MNT: variants seen among roughly 807,000 people sequenced by gnomAD.
MNT encodes max-binding protein MNT.
In MNT, 13 loss-of-function variants were observed where a neutral mutation model predicts 40.7. The observed-to-expected ratio is 0.32, with a 90% confidence interval of 0.21 to 0.51. The LOEUF (loss-of-function observed/expected upper bound fraction) is 0.51. Among genes scored for constraint, MNT ranks in the 20% least tolerant of loss-of-function variants. MNT has a pLI of 0.98. For synonymous variants in MNT, 426 were observed against 354.8 expected (o/e 1.20, Z -2.26); for missense variants, 757 against 792.0 (o/e 0.96, Z 0.53).
intron 4 of MNT, among the ~76,000 whole-genome samples, chr17:2,392,242 G>A (rs1474120503): frequency 6.6e-6 from 1 of 152,168 alleles, no homozygotes; most frequent in African/African-American, 2.4e-5. Context: ...GCACCTCAAT[G>A]AATAAATGAA....
intron 2 of MNT, 129 bp from the exon 3 acceptor site, chr17:2,394,475 A>G: frequency 2.2e-6 from 3 of 1,392,508 alleles, no homozygotes; most frequent in South Asian, 2.5e-5. Flanking sequence ...AGACTGGGAG[A>G]CGTTCGCCCT....
chr17:2,400,189 TAC>T (rs1441634392), intron 1 of MNT: 1 of 165,898 alleles, frequency 6.0e-6, no homozygotes, highest in Non-Finnish European at 1.3e-5. Context: ...TCGTGTGCTA[TAC>T]ACACGCCCGT....
chr17:2,386,529 A>C lies in MNT; in HGVS notation c.*372T>G. The C allele has an allele frequency of 4.7e-6, 1 of 213,996 alleles. No individual in the cohort carries two copies. The highest frequency in any genetic ancestry group is 1.0e-4 in the East Asian group (1 of 9,766). 13.3% of individuals were successfully genotyped at this position (213,996 alleles called of 1,614,324 possible). On this transcript the variant is annotated 3_prime_UTR_variant, in exon 6 of 6. Transcript: ENST00000174618. The stretch of plus-strand genomic sequence containing the variant: ...GCCTGGGCCACCTCACCAGACAGCA[A>C]TAGCAGCAGCAGCACACGAAGGCGG...
chr17:2,396,865 G>C (rs1338000997), intron 1 of MNT: 1 of 152,378 alleles, frequency 6.6e-6, no homozygotes, highest in Admixed American at 6.5e-5. Context: ...CCCGGGCAAG[G>C]GGTGGCGTGG....
chr17:2,384,358 CA>C lies in MNT; in HGVS notation c.*2542del, dbSNP rs1251891409. 1 of 151,868 alleles carries C rather than the reference CA, an allele frequency of 6.6e-6. No homozygotes were observed. Among genetic ancestry groups the C allele is most frequent in the Non-Finnish European group, 1.5e-5 (1 of 67,906 alleles). The allele number at this position is 151,868 out of a possible 1,614,324, so 9.4% of individuals were successfully genotyped here. Reference sequence around the variant, plus strand: ...ACAGTGGCCGAGTCCTCACTGTAAACAAGGGCCACCTCTGGGGGTTGGGGGT... The same window carrying C: ...ACAGTGGCCGAGTCCTCACTGTAAACAGGGCCACCTCTGGGGGTTGGGGGT... On this transcript the variant is annotated 3_prime_UTR_variant, in exon 6 of 6. Transcript: ENST00000174618.
intron 1 of MNT, chr17:2,400,439 A>G (rs2066607079): frequency 4.1e-6 from 2 of 486,044 alleles, no homozygotes; most frequent in South Asian, 5.6e-5. Context: ...GGTCCCTCGC[A>G]GCATGTTAAT....
intron 4 of MNT, among the ~76,000 whole-genome samples, chr17:2,393,440 TCGG>T (rs2066542336): frequency 1.3e-5 from 2 of 152,290 alleles, no homozygotes; most frequent in East Asian, 3.9e-4. Context: ...TGTTTCAGGC[TCGG>T]CGGCCCCGGG....
intron 1 of MNT, among the ~76,000 whole-genome samples, chr17:2,399,637 T>C (rs2066601229): frequency 6.6e-6 from 1 of 151,528 alleles, no homozygotes; most frequent in South Asian, 2.1e-4. Flanking sequence ...GCAAGGCCCC[T>C]TGCCAGCCCC....
At chr17:2,393,981 G>A (rs1244536112) in intron 4 of MNT, 62 bp downstream of exon 4, 4 of 1,228,796 alleles carry the variant, frequency 3.3e-6, no homozygotes, top group Admixed American at 2.6e-5. Flanking sequence ...GGCGCGGCCG[G>A]GGGAGGGGCG....
chr17:2,397,489 T>G (rs1343712609), intron 1 of MNT, among the ~76,000 whole-genome samples: 1 of 152,128 alleles, frequency 6.6e-6, no homozygotes, highest in Non-Finnish European at 1.5e-5. Flanking sequence ...GGGCCCTCCC[T>G]GAGTCACAAG....
At chr17:2,390,708 C>CA (rs543778289) in intron 4 of MNT, 1 of 152,208 alleles carries the variant, frequency 6.6e-6, no homozygotes, top group African/African-American at 2.4e-5. Context: ...CCAGGCCTGG[C>CA]AAAGTCTCCA....
At chr17:2,398,111 G>A (rs766029998) in intron 1 of MNT, among the ~76,000 whole-genome samples, 3 of 152,232 alleles carry the variant, frequency 2.0e-5, no homozygotes, top group Non-Finnish European at 2.9e-5. Context: ...CCATCTGCAC[G>A]CTAAACAGGA....
chr17:2,387,287 C>G lies in MNT; in HGVS notation c.1363G>C (p.Val455Leu), dbSNP rs201365025. The change falls in exon 6 of 6, where the codon GTG (valine) becomes CTG (leucine). Residue 455 changes from valine (V) to leucine (L), a missense_variant. Physicochemically the swap from Val to Leu is conservative, Grantham distance 32. Transcript: ENST00000174618. Reference sequence around the variant, plus strand: ...CCTGGCCCCTGCAGAACGTGGTTCACAGTCTGGATGACTGAAGCGTGAGTG... The same window carrying G: ...CCTGGCCCCTGCAGAACGTGGTTCAGAGTCTGGATGACTGAAGCGTGAGTG... ...ATTHASVIQT[V>L]NHVLQGPGGK... 267 of 1,613,340 alleles carry G rather than the reference C, an allele frequency of 1.7e-4. No homozygotes were observed. The highest frequency in any genetic ancestry group is 2.1e-4 in the Non-Finnish European group (249 of 1,179,824).
chr17:2,393,947 C>T (rs1378407659), intron 4 of MNT, 96 bp downstream of exon 4: 17 of 755,230 alleles, frequency 2.3e-5, no homozygotes, highest in Admixed American at 4.5e-5. Context: ...GCGGGGGAGC[C>T]GCCGGGGCGT....
intron 1 of MNT, among the ~76,000 whole-genome samples, chr17:2,398,436 G>A (rs953531548): frequency 1.3e-5 from 2 of 152,180 alleles, no homozygotes; most frequent in African/African-American, 2.4e-5. Flanking sequence ...CCTAGGTCCC[G>A]GGAAAGCGTT....
chr17:2,399,606 C>G (rs1202957147), intron 1 of MNT, among the ~76,000 whole-genome samples: 6 of 152,078 alleles, frequency 3.9e-5, no homozygotes, highest in Non-Finnish European at 8.8e-5. Flanking sequence ...GGCCGGGGCC[C>G]GGGCCCAGGC....
intron 4 of MNT, among the ~76,000 whole-genome samples, chr17:2,392,912 C>G (rs8072832): frequency 0.096 from 14,553 of 152,134 alleles, 951 homozygotes; most frequent in African/African-American, 0.18. Flanking sequence ...AGAGCTGCCC[C>G]CCTGGAGCAG....
rs1330556824 is a variant in MNT at position 2,387,044 on chromosome 17, C to G, written c.1606G>C (p.Gly536Arg). The G allele has an allele frequency of 6.4e-7, 1 of 1,555,110 alleles. No individual in the cohort carries two copies. The highest frequency in any genetic ancestry group is 2.4e-5 in the East Asian group (1 of 41,730). Residue 536 changes from glycine to arginine, a missense_variant, in exon 6 of 6, where the codon GGG becomes CGG. This residue lies in a region of MNT where 345 missense variants were observed against 380.1 expected (regional missense o/e 0.91). Coordinates refer to ENST00000174618, the MANE Select transcript of MNT (RefSeq NM_020310.3). ...TTTGCCATGACAGTAGCCGGGGGCC[C>G]CAGGCCGGCCGTGCCGTTGACTTGC... ...HQQVNGTAGL[G>R]PPATVMAKPA...
rs1206605397 is a variant in MNT, at chr17:2,393,984, G to A, written c.807+59C>T. The A allele has an allele frequency of 2.4e-6, 3 of 1,237,962 alleles. No homozygotes were observed. The African/African-American group carries it at 4.7e-5, about 19-fold the overall frequency. The allele number at this position is 1,237,962 out of a possible 1,614,324, so 76.7% of individuals were successfully genotyped here. A position where few individuals can be genotyped will look rare whatever the true frequency, so the allele number is the denominator to read the frequency against. On this transcript the variant is annotated intron_variant, in intron 4 of 5. Coordinates refer to ENST00000174618, the MANE Select transcript of MNT (RefSeq NM_020310.3). ...AGGGCGGGGCGGGGCGCGGCCGGGG[G>A]AGGGGCGGCGGAGGGAGGGCGGGGG...
Sources: allele counts gnomAD v4.1 joint callset (sites outside exome capture counted in the v4.1 genomes callset), GRCh38; gene constraint gnomAD v4.1.1; regional missense constraint gnomAD v4.1.1; transcripts MANE v1.5; gene names NCBI Gene and HGNC (gene_info 2026-07-23, HGNC 2026-07-21).